The following KCNIP1 variants were observed in gnomAD, a reference collection of about 807,000 sequenced individuals.
KCNIP1 encodes the protein potassium voltage-gated channel interacting protein 1.
KCNIP1 carries 18 observed loss-of-function variants against 33.0 expected under a neutral mutation model. The ratio of observed to expected loss-of-function variants is 0.55; its 90% CI spans 0.38 to 0.81. The LOEUF is 0.81. KCNIP1 is among the 30% of genes least tolerant of loss of function. The pLI, the probability that KCNIP1 is intolerant of heterozygous loss-of-function variation, is 0.00. For missense variants in KCNIP1, 238 were observed against 271.6 expected (o/e 0.88, Z 0.87); for synonymous variants, 93 against 98.3 (o/e 0.95, Z 0.32).
chr5:170,502,694 C>A (rs1757438767), upstream of KCNIP1, among the ~76,000 whole-genome samples: 1 of 152,278 alleles, frequency 6.6e-6, no homozygotes, highest in South Asian at 2.1e-4. Flanking sequence ...TGAGGCCATA[C>A]ATCCGGGTAT....
At chr5:170,420,539 A>AT (rs1554091195) in intron 1 of KCNIP1, 3 of 151,908 alleles carry the variant, frequency 2.0e-5, no homozygotes, top group Non-Finnish European at 4.4e-5. Flanking sequence ...AACTCAAAAA[A>AT]AAAAAAAATA....
intron 1 of KCNIP1, among the ~76,000 whole-genome samples, chr5:170,557,118 A>G (rs1756871150): frequency 2.0e-5 from 3 of 152,252 alleles, no homozygotes; most frequent in African/African-American, 7.2e-5. Flanking sequence ...GCCACTTACT[A>G]ACTGTGTGGC....
intron 1 of KCNIP1, among the ~76,000 whole-genome samples, chr5:170,529,813 A>G (rs886076823): frequency 6.6e-6 from 1 of 152,156 alleles, no homozygotes. Context: ...GTTTGGACCT[A>G]TATTAAACAG....
chr5:170,686,311 CAG>C (rs1762536291), intron 1 of KCNIP1, among the ~76,000 whole-genome samples: 1 of 151,744 alleles, frequency 6.6e-6, no homozygotes, highest in African/African-American at 2.4e-5. Flanking sequence ...GAGAAACTGT[CAG>C]AAATAGCAGG....
At chr5:170,500,815 A>G (rs1757395983), upstream of KCNIP1, among the ~76,000 whole-genome samples, 2 of 152,362 alleles carry the variant, frequency 1.3e-5, no homozygotes, top group South Asian at 4.1e-4. Context: ...TTGTGCATGT[A>G]AATATCTGGT....
intron 1 of KCNIP1, among the ~76,000 whole-genome samples, chr5:170,577,392 T>C (rs1757639253): frequency 1.3e-5 from 2 of 152,238 alleles, no homozygotes; most frequent in Admixed American, 1.3e-4. Context: ...GGCGAACATC[T>C]GTTATTAAAT....
intron 1 of KCNIP1, among the ~76,000 whole-genome samples, chr5:170,664,262 C>T (rs566074345): frequency 2.6e-5 from 4 of 152,320 alleles, no homozygotes; most frequent in South Asian, 4.1e-4. Context: ...TCTTCTGGCA[C>T]ATGTCTGCTC....
chr5:170,733,562 A>G lies in KCNIP1; in HGVS notation c.541-274A>G, dbSNP rs554409476. On this transcript the variant is annotated intron_variant, in intron 6 of 7. Coordinates refer to ENST00000328939, the MANE Select transcript of KCNIP1 (RefSeq NM_014592.4). Reference sequence around the variant, plus strand: ...GGACAGGGTAGCAGGGAGTCTACAGAAGAAGCAGAATAAGCCAGCAGTGAG... The same window carrying G: ...GGACAGGGTAGCAGGGAGTCTACAGGAGAAGCAGAATAAGCCAGCAGTGAG... 8.5e-5 allele frequency among the ~76,000 whole-genome samples: 13 copies of G among 152,314 alleles called. 1 individual carries two copies. The South Asian group carries it at 2.7e-3, about 32-fold the overall frequency.
intron 1 of KCNIP1, among the ~76,000 whole-genome samples, chr5:170,679,464 C>T (rs1337725639): frequency 6.6e-6 from 1 of 152,148 alleles, no homozygotes; most frequent in East Asian, 1.9e-4. Flanking sequence ...GAGAGACCAG[C>T]ATTCACATTC....
intron 1 of KCNIP1, among the ~76,000 whole-genome samples, chr5:170,676,021 G>C (rs1391431923): frequency 6.9e-6 from 1 of 144,746 alleles, no homozygotes; most frequent in African/African-American, 2.5e-5. Flanking sequence ...TGGGCGGACT[G>C]TGAATATCTA....
intron 1 of KCNIP1, among the ~76,000 whole-genome samples, chr5:170,381,404 G>A (rs1764234412): frequency 6.6e-6 from 1 of 152,226 alleles, no homozygotes; most frequent in Non-Finnish European, 1.5e-5. Flanking sequence ...GCAGACTATG[G>A]CCCCTACCTT....
At chr5:170,652,502 G>T (rs4868007) in intron 1 of KCNIP1, among the ~76,000 whole-genome samples, 13,782 of 134,656 alleles carry the variant, frequency 0.1, 699 homozygotes, top group African/African-American at 0.12. Context: ...AAAAAAAAAG[G>T]AAGGAAGGAA....
At chr5:170,628,484 G>A (rs1416430959) in intron 1 of KCNIP1, among the ~76,000 whole-genome samples, 1 of 152,140 alleles carries the variant, frequency 6.6e-6, no homozygotes, top group Non-Finnish European at 1.5e-5. Context: ...ACTCCAAAGG[G>A]CGTGTGTGTG....
At chr5:170,479,829 G>A (rs921053836) in intron 1 of KCNIP1, among the ~76,000 whole-genome samples, 31 of 152,272 alleles carry the variant, frequency 2.0e-4, no homozygotes, top group African/African-American at 6.0e-4. Flanking sequence ...TTTAACTTCC[G>A]AATTTTATAC....
intron 1 of KCNIP1, among the ~76,000 whole-genome samples, chr5:170,536,289 C>T (rs935903483): frequency 6.6e-6 from 1 of 152,208 alleles, no homozygotes; most frequent in Non-Finnish European, 1.5e-5. Flanking sequence ...GTCAATCCTT[C>T]CACCAGTTAC....
At chr5:170,436,755 A>G (rs1755873971) in intron 1 of KCNIP1, among the ~76,000 whole-genome samples, 1 of 152,184 alleles carries the variant, frequency 6.6e-6, no homozygotes, top group African/African-American at 2.4e-5. Flanking sequence ...CCAGAGGCCC[A>G]GTCTAGACCT....
chr5:170,575,543 G>T (rs1757570283), intron 1 of KCNIP1, among the ~76,000 whole-genome samples: 1 of 152,210 alleles, frequency 6.6e-6, no homozygotes, highest in African/African-American at 2.4e-5. Flanking sequence ...CAGGTTCTTG[G>T]GTTGGGGCAG....
At chr5:170,613,407 GCA>G (rs1759250698) in intron 1 of KCNIP1, among the ~76,000 whole-genome samples, 1 of 152,128 alleles carries the variant, frequency 6.6e-6, no homozygotes, top group Non-Finnish European at 1.5e-5. Flanking sequence ...GACTTTATAT[GCA>G]CTAATTTATT....
intron 1 of KCNIP1, among the ~76,000 whole-genome samples, chr5:170,586,476 A>C (rs1757993199): frequency 6.6e-6 from 1 of 152,186 alleles, no homozygotes; most frequent in Non-Finnish European, 1.5e-5. Flanking sequence ...GCAGAAATTG[A>C]ATTACCTTTG....
Sources: gnomAD v4.1 joint callset for allele counts (sites outside exome capture counted in the v4.1 genomes callset) on GRCh38, gnomAD v4.1.1 for gene constraint, MANE v1.5 for transcripts, NCBI Gene and HGNC (gene_info 2026-07-23, HGNC 2026-07-21) for gene names.